Variants in ANKS1B observed in about 807,000 individuals in gnomAD.
The protein encoded by ANKS1B is ankyrin repeat and sterile alpha motif domain containing 1B, also known as ankyrin repeat and sterile alpha motif domain-containing protein 1B.
Under a neutral mutation model 148.3 loss-of-function variants are expected in ANKS1B, and 36 were observed. The ratio of observed to expected loss-of-function variants is 0.24; its 90% CI spans 0.19 to 0.32. The LOEUF (loss-of-function observed/expected upper bound fraction) is 0.32, where lower values mean the gene tolerates loss of function less well. Among genes scored for constraint, ANKS1B ranks in the 10% least tolerant of loss-of-function variants. ANKS1B has a pLI of 1.00. For synonymous variants in ANKS1B, 542 were observed against 560.8 expected, an observed-to-expected ratio of 0.97 and a Z score of 0.47; for missense variants, 1,157 against 1,542.6, an observed-to-expected ratio of 0.75 and a Z score of 4.19.
At chr12:99,972,301 A>T (rs531805206) in intron 1 of ANKS1B, among the ~76,000 whole-genome samples, 12 of 152,388 alleles carry the variant, frequency 7.9e-5, no homozygotes, top group Non-Finnish European at 1.5e-4. Flanking sequence ...AAGTCGAGAC[A>T]GACTGAAAGC....
chr12:98,827,116 T>C (rs1319903881), intron 19 of ANKS1B, among the ~76,000 whole-genome samples: 3 of 152,184 alleles, frequency 2.0e-5, no homozygotes, highest in African/African-American at 7.2e-5. Flanking sequence ...CATTCATTGC[T>C]CCATGGGTTT....
At chr12:99,285,671 G>T (rs2079032585) in intron 12 of ANKS1B, among the ~76,000 whole-genome samples, 1 of 152,160 alleles carries the variant, frequency 6.6e-6, no homozygotes, top group Admixed American at 6.5e-5. Context: ...AGCACTGAAA[G>T]AGTATGAAAG....
At chr12:99,589,084 C>T (rs1272917522) in intron 9 of ANKS1B, among the ~76,000 whole-genome samples, 5 of 152,146 alleles carry the variant, frequency 3.3e-5, no homozygotes, top group Admixed American at 6.5e-5. Flanking sequence ...GCAGTGGGAT[C>T]GAAATGGTTT....
At chr12:99,154,708 T>A in intron 14 of ANKS1B, 1 of 1,436,182 alleles carries the variant, frequency 7.0e-7, no homozygotes. Flanking sequence ...TATCAAGCTG[T>A]CAGCTTGGGC....
chr12:99,154,225 T>C (rs2075657808), intron 15 of ANKS1B, 64 bp downstream of exon 15: 12 of 1,596,830 alleles, frequency 7.5e-6, no homozygotes, highest in Admixed American at 1.7e-5. Flanking sequence ...CTCTGAGCCA[T>C]GTAAGACACA....
chr12:99,737,429 G>T (rs1325857865), intron 8 of ANKS1B, among the ~76,000 whole-genome samples: 3 of 152,056 alleles, frequency 2.0e-5, no homozygotes, highest in Non-Finnish European at 4.4e-5. Flanking sequence ...AAATAAGCTA[G>T]ACATACAAAG....
At chr12:99,112,659 TG>T (rs1404058852) in intron 15 of ANKS1B, among the ~76,000 whole-genome samples, 2 of 152,122 alleles carry the variant, frequency 1.3e-5, no homozygotes, top group African/African-American at 4.8e-5. Flanking sequence ...CATAAATGCT[TG>T]TTGCTTGTTA....
intron 14 of ANKS1B, among the ~76,000 whole-genome samples, chr12:99,214,401 C>G (rs1463244080): frequency 6.6e-6 from 1 of 152,002 alleles, no homozygotes; most frequent in Non-Finnish European, 1.5e-5. Flanking sequence ...TGGGAGGGAC[C>G]CAGTAGGAGG....
At chr12:99,686,128 A>G (rs1386494516) in intron 8 of ANKS1B, among the ~76,000 whole-genome samples, 1 of 152,168 alleles carries the variant, frequency 6.6e-6, no homozygotes, top group Non-Finnish European at 1.5e-5. Flanking sequence ...TATTGAAATA[A>G]TACATAAAAT....
intron 14 of ANKS1B, among the ~76,000 whole-genome samples, chr12:99,209,223 A>G (rs1181165928): frequency 6.6e-6 from 1 of 152,208 alleles, no homozygotes; most frequent in African/African-American, 2.4e-5. Flanking sequence ...AAACTCGGAA[A>G]GAGCCCAAGT....
intron 19 of ANKS1B, among the ~76,000 whole-genome samples, chr12:98,817,535 C>A (rs1417813539): frequency 6.6e-6 from 1 of 152,224 alleles, no homozygotes; most frequent in African/African-American, 2.4e-5. Context: ...TTCCTGCCCA[C>A]CATCGGAGAC....
intron 14 of ANKS1B, among the ~76,000 whole-genome samples, chr12:99,235,868 C>T (rs760914690): frequency 6.6e-6 from 1 of 152,122 alleles, no homozygotes; most frequent in Non-Finnish European, 1.5e-5. Context: ...GTACTCCTAC[C>T]AGGGTGTCAC....
chr12:99,469,862 A>G (rs1199669456), intron 10 of ANKS1B, among the ~76,000 whole-genome samples: 1 of 152,126 alleles, frequency 6.6e-6, no homozygotes. Context: ...ACTGACACCA[A>G]AAATCAAAGC....
chr12:99,847,983 G>A (rs2086979369), intron 1 of ANKS1B, among the ~76,000 whole-genome samples: 1 of 152,020 alleles, frequency 6.6e-6, no homozygotes, highest in South Asian at 2.1e-4. Flanking sequence ...AAAAAGAACA[G>A]TTTCTAGAAT....
chr12:99,436,752 CTT>C (rs1465664495), intron 11 of ANKS1B, among the ~76,000 whole-genome samples: 2 of 151,990 alleles, frequency 1.3e-5, no homozygotes, highest in Non-Finnish European at 2.9e-5. Flanking sequence ...CAAAATGTTT[CTT>C]TCAGGTTGAG....
intron 9 of ANKS1B, among the ~76,000 whole-genome samples, chr12:99,540,087 G>C (rs1389666824): frequency 6.6e-6 from 1 of 151,772 alleles, no homozygotes; most frequent in Admixed American, 6.6e-5. Flanking sequence ...ATTTTATAAA[G>C]ATAAAACAGT....
rs563677039 is a variant in ANKS1B at position 98,774,142 on chromosome 12, AC to A, written c.3442-964del. Among the ~76,000 whole-genome samples, 230 of 152,308 alleles carry A rather than the reference AC, an allele frequency of 1.5e-3. 4 individuals are homozygous for A. Among genetic ancestry groups the A allele is most frequent in the African/African-American group, 3.6e-3 (150 of 41,572 alleles). On this transcript the variant is annotated intron_variant, in intron 24 of 26. Coordinates refer to ENST00000683438, the MANE Select transcript of ANKS1B (RefSeq NM_001352186.2). ...CTATATTAACAACACTTTCCTAACTACATCCACTGTGTATAATTAGGAGGTG... is the reference window on the plus strand; with the variant it reads ...CTATATTAACAACACTTTCCTAACTAATCCACTGTGTATAATTAGGAGGTG...
At chr12:99,693,878 T>C (rs988195517) in intron 8 of ANKS1B, among the ~76,000 whole-genome samples, 7 of 151,236 alleles carry the variant, frequency 4.6e-5, no homozygotes, top group Non-Finnish European at 1.0e-4. Flanking sequence ...CCTCCCGGGT[T>C]CACGCCATTC....
chr12:99,658,443 C>T (rs2098460393), intron 8 of ANKS1B, among the ~76,000 whole-genome samples: 1 of 152,030 alleles, frequency 6.6e-6, no homozygotes, highest in South Asian at 2.1e-4. Flanking sequence ...CAGATTTCAT[C>T]CCTTACCTAA....
Sources: allele counts gnomAD v4.1 joint callset (sites outside exome capture counted in the v4.1 genomes callset), GRCh38; gene constraint gnomAD v4.1.1; transcripts MANE v1.5; gene names NCBI Gene and HGNC (gene_info 2026-07-23, HGNC 2026-07-21).